Variants in COX14 observed in about 807,000 individuals in gnomAD.
COX14 encodes cytochrome c oxidase assembly factor COX14, also known as cytochrome c oxidase assembly protein COX14.
Under a neutral mutation model 5.8 loss-of-function variants are expected in COX14, and 3 were observed. The ratio of observed to expected loss-of-function variants is 0.51; its 90% CI spans 0.23 to 1.33. The LOEUF (loss-of-function observed/expected upper bound fraction) is 1.33. COX14 is among the 40% of genes most tolerant of loss of function. The probability of loss-of-function intolerance (pLI) is 0.18; values close to 1 mark genes in which losing one functional copy is unlikely to be tolerated. For synonymous variants in COX14, 25 were observed against 26.1 expected (o/e 0.96, Z 0.13); for missense variants, 72 against 72.1 (o/e 1.00, Z 0.01).
chr12:50,115,777 C>T (rs1951075769), intron 1 of COX14, among the ~76,000 whole-genome samples: 1 of 151,578 alleles, frequency 6.6e-6, no homozygotes, highest in Non-Finnish European at 1.5e-5. Context: ...GTCTCAAACT[C>T]GTGGGCTCAA....
intron 1 of COX14, among the ~76,000 whole-genome samples, chr12:50,113,327 G>T (rs1951047646): frequency 6.8e-6 from 1 of 148,116 alleles, no homozygotes; most frequent in South Asian, 2.1e-4. Flanking sequence ...TTTTTGAGAC[G>T]GAGTCTTGCT....
Position 50,120,124 on chromosome 12 carries a change from G to C in COX14, c.81G>C (p.Gly27=). 6.2e-7 allele frequency: 1 copy of C among 1,613,956 alleles called. No homozygotes were observed. The highest frequency in any genetic ancestry group is 1.1e-5 in the South Asian group (1 of 91,076). Residue 27 remains glycine, a synonymous_variant, in exon 2 of 2, where the codon GGG becomes GGC. Coordinates refer to ENST00000550487, the MANE Select transcript of COX14 (RefSeq NM_032901.4). ...TSMMLLTVYG[G]YLCSVRVYHY... is the part of the protein sequence containing the mutation. ...TGATGCTTCTCACTGTGTATGGGGG[G>C]TACCTCTGCAGTGTCCGAGTCTACC...
intron 1 of COX14, chr12:50,112,809 C>A: frequency 6.6e-6 from 1 of 151,384 alleles, no homozygotes. Context: ...TGTCTTTGAG[C>A]TGTTGTCTCT....
At position 50,112,284 on chromosome 12, in the gene COX14, A is replaced by G; in HGVS notation, c.-26A>G. ...CTGAGGAGGCCTCGGTTGGATGCGAAGGAGCTGCAGCATCCAGGTACGCTG... is the reference window on the plus strand; with the variant it reads ...CTGAGGAGGCCTCGGTTGGATGCGAGGGAGCTGCAGCATCCAGGTACGCTG... On this transcript the variant is annotated 5_prime_UTR_variant, in exon 1 of 2. Coordinates refer to ENST00000550487, the MANE Select transcript of COX14 (RefSeq NM_032901.4). 1.0e-6 allele frequency: 1 copy of G among 985,256 alleles called. No homozygotes were observed. The highest frequency in any genetic ancestry group is 1.2e-6 in the Non-Finnish European group (1 of 829,736). The allele number at this position is 985,256 out of a possible 1,614,324, so 61.0% of individuals were successfully genotyped here.
chr12:50,119,976 G>T (rs1951115544), intron 1 of COX14, 60 bp from the exon 2 acceptor site: 2 of 1,334,232 alleles, frequency 1.5e-6, no homozygotes, highest in South Asian at 2.3e-5. Context: ...CGTTAAACAG[G>T]GAGATGGGCT....
At chr12:50,114,875 C>A (rs941009352) in intron 1 of COX14, among the ~76,000 whole-genome samples, 11 of 141,054 alleles carry the variant, frequency 7.8e-5, no homozygotes, top group Admixed American at 2.3e-4. Context: ...TCAAGCAATT[C>A]TCCTGCGTCA....
chr12:50,114,557 A>G (rs1169444062), intron 1 of COX14, among the ~76,000 whole-genome samples: 1 of 151,242 alleles, frequency 6.6e-6, no homozygotes, highest in Non-Finnish European at 1.5e-5. Context: ...GGGCCTTGGA[A>G]TTTCCTACCT....
Position 50,112,252 on chromosome 12 carries a change from T to G in COX14, c.-58T>G. On this transcript the variant is annotated 5_prime_UTR_variant, in exon 1 of 2. Transcript: ENST00000550487. The stretch of plus-strand genomic sequence containing the variant: ...TGCGTAGACAGTGGCCTCGAGACCC[T>G]GCCTGCCTGAGGAGGCCTCGGTTGG... 1 of 972,118 alleles carries G rather than the reference T, an allele frequency of 1.0e-6. No individual in the cohort carries two copies. The highest frequency in any genetic ancestry group is 1.2e-6 in the Non-Finnish European group (1 of 817,722). The allele number at this position is 972,118 out of a possible 1,614,324, so 60.2% of individuals were successfully genotyped here.
chr12:50,114,917 G>A (rs994294008), intron 1 of COX14, among the ~76,000 whole-genome samples: 1 of 150,450 alleles, frequency 6.6e-6, no homozygotes, highest in Non-Finnish European at 1.5e-5. Context: ...ACAGGCAGGC[G>A]CCACCATGCC....
chr12:50,119,825 A>G (rs1951114088), intron 1 of COX14, among the ~76,000 whole-genome samples: 1 of 152,166 alleles, frequency 6.6e-6, no homozygotes, highest in Non-Finnish European at 1.5e-5. Flanking sequence ...TGTATCTTGT[A>G]GGCACATTTT....
At chr12:50,116,445 CAA>C (rs1406421503) in intron 1 of COX14, among the ~76,000 whole-genome samples, 5 of 152,168 alleles carry the variant, frequency 3.3e-5, no homozygotes, top group Admixed American at 1.3e-4. Context: ...TGGATTAAGA[CAA>C]GAGAGGGAAG....
In COX14 at chr12:50,118,326, C is replaced by T. The variant is rs982295974; in HGVS notation, c.-8-1710C>T. On this transcript the variant is annotated intron_variant, in intron 1 of 1. Coordinates refer to ENST00000550487, the MANE Select transcript of COX14 (RefSeq NM_032901.4). The stretch of plus-strand genomic sequence containing the variant: ...CCTTCCAAAGTGCTGAGATTACAGG[C>T]GTGAGCCACTGCATCCGGTCCCACC... 3.3e-5 allele frequency among the ~76,000 whole-genome samples: 5 copies of T among 152,076 alleles called. No homozygotes were observed. In the South Asian group the frequency reaches 6.2e-4, roughly 19 times the overall value.
intron 1 of COX14, 128 bp downstream of exon 1, chr12:50,112,429 G>C: frequency 1.0e-6 from 1 of 985,794 alleles, no homozygotes; most frequent in Non-Finnish European, 1.2e-6. Context: ...GAATTCACCC[G>C]CTTCTGTTGC....
intron 1 of COX14, 38 bp from the exon 2 acceptor site, chr12:50,119,998 G>A (rs778547079): frequency 6.5e-7 from 1 of 1,542,664 alleles, no homozygotes; most frequent in Non-Finnish European, 9.0e-7. Flanking sequence ...GGCAGATGAG[G>A]CCTTATCCTC....
intron 1 of COX14, among the ~76,000 whole-genome samples, chr12:50,115,067 GTT>G (rs545838012): frequency 7.7e-5 from 9 of 117,478 alleles, no homozygotes; most frequent in Non-Finnish European, 9.2e-5. Context: ...TGCCCGGCCG[GTT>G]TTTTTTTTTT....
Position 50,116,153 on chromosome 12 carries a change from C to T in COX14, c.-9+3852C>T, listed in dbSNP as rs1007066429. Among the ~76,000 whole-genome samples the T allele has an allele frequency of 2.7e-5, 4 of 150,506 alleles. No homozygotes were observed. In the South Asian group the frequency reaches 6.3e-4, roughly 24 times the overall value. ...TGTCCCCCATGCTGGAGTGCCGTGGCACTCTCTTGGCTCACTGCAACCTCT... is the reference window on the plus strand; with the variant it reads ...TGTCCCCCATGCTGGAGTGCCGTGGTACTCTCTTGGCTCACTGCAACCTCT... On this transcript the variant is annotated intron_variant, in intron 1 of 1. Coordinates refer to ENST00000550487, the MANE Select transcript of COX14 (RefSeq NM_032901.4).
At chr12:50,114,631 C>A (rs993850864) in intron 1 of COX14, among the ~76,000 whole-genome samples, 1 of 151,986 alleles carries the variant, frequency 6.6e-6, no homozygotes, top group African/African-American at 2.4e-5. Context: ...TCTTTCTGGT[C>A]TTATCCTCTC....
At chr12:50,117,910 A>AT (rs1256342037) in intron 1 of COX14, among the ~76,000 whole-genome samples, 1 of 150,354 alleles carries the variant, frequency 6.7e-6, no homozygotes, top group Non-Finnish European at 1.5e-5. Context: ...TGCCCAGCTA[A>AT]TTTTTTGTAT....
At chr12:50,114,897 A>G (rs939169617) in intron 1 of COX14, among the ~76,000 whole-genome samples, 2 of 138,964 alleles carry the variant, frequency 1.4e-5, no homozygotes, top group Non-Finnish European at 3.0e-5. Flanking sequence ...CCTCCAGAGT[A>G]GTTCCGACTA....
Sources: gnomAD v4.1 joint callset for allele counts (sites outside exome capture counted in the v4.1 genomes callset) on GRCh38, gnomAD v4.1.1 for gene constraint, MANE v1.5 for transcripts, NCBI Gene and HGNC (gene_info 2026-07-23, HGNC 2026-07-21) for gene names.